HERC1: variants seen among roughly 807,000 people sequenced by gnomAD.
The protein encoded by HERC1 is HECT and RLD domain containing E3 ubiquitin protein ligase family member 1, also known as probable E3 ubiquitin-protein ligase HERC1.
In HERC1, 160 loss-of-function variants were observed where a neutral mutation model predicts 554.3. The observed-to-expected ratio is 0.29, with a 90% CI of 0.25 to 0.33. The LOEUF (loss-of-function observed/expected upper bound fraction) is 0.33, where lower values mean the gene tolerates loss of function less well. Among genes scored for constraint, HERC1 ranks in the 10% least tolerant of loss-of-function variants. The probability of loss-of-function intolerance (pLI) is 1.00; values close to 1 mark genes in which losing one functional copy is unlikely to be tolerated. For missense variants in HERC1, 4,919 were observed against 5,918.5 expected, an observed-to-expected ratio of 0.83 and a Z score of 5.54; for synonymous variants, 2,175 against 2,131.7, an observed-to-expected ratio of 1.02 and a Z score of -0.56.
chr15:63,798,563 A>C (rs1337479600), intron 1 of HERC1, among the ~76,000 whole-genome samples: 1 of 151,324 alleles, frequency 6.6e-6, no homozygotes, highest in Non-Finnish European at 1.5e-5. Context: ...AAAAAAAAAA[A>C]CCTTACAGGG....
chr15:63,725,625 T>G (rs559168430), intron 17 of HERC1, 112 bp from the exon 18 acceptor site: 1 of 748,950 alleles, frequency 1.3e-6, no homozygotes, highest in South Asian at 1.8e-5. Context: ...AAATATTTTA[T>G]GATGAAAACA....
chr15:63,638,650 A>G, intron 62 of HERC1, 61 bp downstream of exon 62: 1 of 1,584,884 alleles, frequency 6.3e-7, no homozygotes. Flanking sequence ...CAAACACACA[A>G]GCATTTAGAA....
In HERC1 at chr15:63,658,969, G is replaced by T. The variant is rs62014169; in HGVS notation, c.9425-251C>A. The stretch of plus-strand genomic sequence containing the variant: ...AGGAGTATTTATACTTAATTTACCA[G>T]TAAGTATTTTCTGTTTTGTTCATTT... On this transcript the variant is annotated intron_variant, in intron 47 of 77. Coordinates refer to ENST00000443617, the MANE Select transcript of HERC1 (RefSeq NM_003922.4). Among the ~76,000 whole-genome samples the T allele has an allele frequency of 0.17, 25,790 of 152,110 alleles. 2,442 individuals are homozygous for T. The highest frequency in any genetic ancestry group is 0.22 in the Middle Eastern group (64 of 294).
intron 22 of HERC1, among the ~76,000 whole-genome samples, chr15:63,715,906 AT>A (rs2140306216): frequency 6.6e-6 from 1 of 152,310 alleles, no homozygotes; most frequent in East Asian, 1.9e-4. Flanking sequence ...CGTGGAAAAC[AT>A]TATGGCTCTC....
At chr15:63,726,807 G>A (rs1391481862) in intron 17 of HERC1, among the ~76,000 whole-genome samples, 4 of 152,104 alleles carry the variant, frequency 2.6e-5, no homozygotes, top group African/African-American at 9.7e-5. Flanking sequence ...AGGAATAAAA[G>A]AAAGTTCCGC....
chr15:63,719,754 T>C (rs1050265771), intron 19 of HERC1, among the ~76,000 whole-genome samples: 3 of 152,122 alleles, frequency 2.0e-5, no homozygotes, highest in Admixed American at 1.3e-4. Context: ...ATCAGATCTG[T>C]GATGTGAGAA....
At chr15:63,658,741 G>C (rs752164713) in intron 47 of HERC1, 23 bp from the exon 48 acceptor site, 2 of 1,584,028 alleles carry the variant, frequency 1.3e-6, no homozygotes, top group African/African-American at 2.7e-5. Context: ...ATTCTGTTTT[G>C]TTCTCAACAA....
chr15:63,755,448 T>C, intron 5 of HERC1, 123 bp from the exon 6 acceptor site: 1 of 773,918 alleles, frequency 1.3e-6, no homozygotes. Flanking sequence ...AATTTCCAGG[T>C]ACAGTTGTGG....
intron 1 of HERC1, among the ~76,000 whole-genome samples, chr15:63,782,063 A>G (rs991974367): frequency 2.0e-5 from 3 of 152,380 alleles, no homozygotes; most frequent in Non-Finnish European, 4.4e-5. Flanking sequence ...ACCTGTCTCC[A>G]CAACATAAAA....
rs2070008937 is a variant in HERC1, at chr15:63,655,958, G to A, written c.9871-3C>T. On this transcript the variant is annotated splice_region_variant and splice_polypyrimidine_tract_variant and intron_variant, in intron 49 of 77. Transcript: ENST00000443617. ...CCTGTTGCAGCAGAAATCAAGTTCT[G>A]AAGAAGCAATTGGAAAAACAGACTT... is the stretch of plus-strand genomic sequence containing the variant. 1 of 1,608,444 alleles carries A rather than the reference G, an allele frequency of 6.2e-7. No homozygotes were observed. Among genetic ancestry groups the A allele is most frequent in the Non-Finnish European group, 8.5e-7 (1 of 1,176,430 alleles).
intron 3 of HERC1, among the ~76,000 whole-genome samples, chr15:63,763,420 TAAAG>T (rs962648566): frequency 6.6e-6 from 1 of 151,782 alleles, no homozygotes; most frequent in Non-Finnish European, 1.5e-5. Flanking sequence ...ATACAGAGGA[TAAAG>T]AAACATAAGG....
In HERC1 at chr15:63,713,551, T is replaced by G. The variant is rs1163579459; in HGVS notation, c.4265A>C (p.Gln1422Pro). ...ARADDPPPQS[Q>P]QERRVSTDLP... Reference sequence around the variant, plus strand: ...GTCTGTGCTGACCCTTCGCTCTTGCTGAGACTGAGGAGGTGGATCATCAGC... The same window carrying G: ...GTCTGTGCTGACCCTTCGCTCTTGCGGAGACTGAGGAGGTGGATCATCAGC... Residue 1422 changes from glutamine to proline, a missense_variant, in exon 23 of 78, where the codon CAG becomes CCG. Physicochemically the swap from Gln to Pro is moderately conservative, Grantham distance 76 (BLOSUM62 -1). Around this residue, in one of 11 missense-constraint regions of HERC1, gnomAD observed 1,121 missense variants for 1,244.0 expected, o/e 0.90. Coordinates refer to ENST00000443617, the MANE Select transcript of HERC1 (RefSeq NM_003922.4). The G allele has an allele frequency of 6.8e-6, 11 of 1,613,984 alleles. No homozygotes were observed. The highest frequency in any genetic ancestry group is 1.6e-4 in the Middle Eastern group (1 of 6,062).
chr15:63,643,629 A>T (rs2069177683), intron 57 of HERC1, 79 bp from the exon 58 acceptor site: 7 of 1,111,168 alleles, frequency 6.3e-6, no homozygotes, highest in Middle Eastern at 4.8e-4. Flanking sequence ...ACTCTTGGAA[A>T]TTTTATATTT....
intron 21 of HERC1, among the ~76,000 whole-genome samples, chr15:63,717,324 G>A (rs563632552): frequency 6.6e-6 from 1 of 152,028 alleles, no homozygotes; most frequent in Non-Finnish European, 1.5e-5. Flanking sequence ...CAAATACTAA[G>A]TCAGTATATG....
At chr15:63,636,622 G>A (rs1045537169) in intron 64 of HERC1, among the ~76,000 whole-genome samples, 2 of 152,046 alleles carry the variant, frequency 1.3e-5, no homozygotes, top group African/African-American at 4.8e-5. Context: ...GCAAAACTGC[G>A]AATAGTCACC....
At chr15:63,656,724 T>C (rs543592450) in intron 48 of HERC1, among the ~76,000 whole-genome samples, 1 of 152,240 alleles carries the variant, frequency 6.6e-6, no homozygotes, top group Non-Finnish European at 1.5e-5. Flanking sequence ...TCAGTCACGA[T>C]GCTCTCAGAA....
At chr15:63,811,578 G>A (rs7170477) in intron 1 of HERC1, among the ~76,000 whole-genome samples, 39,325 of 151,910 alleles carry the variant, frequency 0.26, 5,610 homozygotes, top group Middle Eastern at 0.38. Context: ...CGGCGGCCGA[G>A]ACGGGCAGAT....
At chr15:63,728,933 AG>A (rs2074153527) in intron 16 of HERC1, among the ~76,000 whole-genome samples, 1 of 135,480 alleles carries the variant, frequency 7.4e-6, no homozygotes, top group Admixed American at 7.1e-5. Context: ...AAGAAAGAGC[AG>A]GTTTTAAAAA....
Position 63,758,441 on chromosome 15 carries a change from C to G in HERC1, c.1027-72G>C, listed in dbSNP as rs2075502048. 2 of 996,108 alleles carry G rather than the reference C, an allele frequency of 2.0e-6. No individual in the cohort carries two copies. The highest frequency in any genetic ancestry group is 2.9e-6 in the Non-Finnish European group (2 of 684,804). The allele number at this position is 996,108 out of a possible 1,614,324, so 61.7% of individuals were successfully genotyped here. On this transcript the variant is annotated intron_variant, in intron 3 of 77. Transcript: ENST00000443617. This position sits in a 1 kb window ranked among gnomAD's most constrained non-coding sequence, Gnocchi z 4.0. ...TCTGGGCATTTTTTATACATATCCTCTGAAATTACTGTTGCCTTTCCTTCC... is the reference window on the plus strand; with the variant it reads ...TCTGGGCATTTTTTATACATATCCTGTGAAATTACTGTTGCCTTTCCTTCC...
Sources: gnomAD v4.1 joint callset for allele counts (sites outside exome capture counted in the v4.1 genomes callset) on GRCh38, gnomAD v4.1.1 for gene constraint, gnomAD v4.1.1 regional missense constraint, Gnocchi (gnomAD v3.1) non-coding constraint, MANE v1.5 for transcripts, NCBI Gene and HGNC (gene_info 2026-07-23, HGNC 2026-07-21) for gene names.